Variants in BRD10 observed in about 807,000 individuals in gnomAD.
BRD10 encodes the protein bromodomain containing 10, also known as uncharacterized bromodomain-containing protein 10.
the BRD10 span, among the ~76,000 whole-genome samples, chr9:5,914,893 C>T: frequency 6.6e-6 from 1 of 151,872 alleles, no homozygotes; most frequent in African/African-American, 2.4e-5. Flanking sequence ...CAATAAAGGC[C>T]ATTTATATAT....
At chr9:5,926,186 G>C in the BRD10 span, among the ~76,000 whole-genome samples, 3 of 151,988 alleles carry the variant, frequency 2.0e-5, no homozygotes, top group Non-Finnish European at 2.9e-5. Flanking sequence ...AAAGTGCTGG[G>C]ATTACAGGCG....
the BRD10 span, among the ~76,000 whole-genome samples, chr9:5,913,003 A>G: frequency 1.3e-5 from 2 of 152,180 alleles, no homozygotes; most frequent in African/African-American, 2.4e-5. Context: ...TCCAGCCCTC[A>G]GTGGTGGTGA....
chr9:5,924,555 A>G, the BRD10 span: 37 of 613,524 alleles, frequency 6.0e-5, 1 homozygote, highest in East Asian at 7.9e-4. Flanking sequence ...AGATTTCCCT[A>G]ATCAATATAT....
chr9:6,008,086 C>T, the BRD10 span: 1 of 984,426 alleles, frequency 1.0e-6, no homozygotes, highest in Non-Finnish European at 1.2e-6. Context: ...CACCCCTCCG[C>T]ACCCCGCCCG....
the BRD10 span, chr9:5,953,896 A>G: frequency 1.5e-6 from 1 of 673,724 alleles, no homozygotes; most frequent in South Asian, 1.8e-5. Context: ...TCACTGTCAG[A>G]AACATTTCAT....
At chr9:5,899,652 C>T in the BRD10 span, among the ~76,000 whole-genome samples, 2 of 152,144 alleles carry the variant, frequency 1.3e-5, no homozygotes, top group African/African-American at 4.8e-5. Context: ...TTAATCTCTG[C>T]CATAGAACTC....
the BRD10 span, among the ~76,000 whole-genome samples, chr9:5,936,522 G>GT: frequency 6.6e-6 from 1 of 152,146 alleles, no homozygotes; most frequent in Admixed American, 6.5e-5. Context: ...ACATCCACAT[G>GT]TGTACTTTGT....
the BRD10 span, among the ~76,000 whole-genome samples, chr9:5,956,124 T>TA: frequency 9.3e-5 from 14 of 151,316 alleles, no homozygotes; most frequent in Admixed American, 2.0e-4. Flanking sequence ...CTGATTAGCT[T>TA]AAAAAAAAAG....
the BRD10 span, among the ~76,000 whole-genome samples, chr9:5,974,193 T>C: frequency 2.0e-5 from 3 of 152,136 alleles, no homozygotes; most frequent in East Asian, 1.9e-4. Flanking sequence ...GATCTATTAA[T>C]AGCAACAAAA....
the BRD10 span, among the ~76,000 whole-genome samples, chr9:5,904,194 T>C: frequency 6.6e-6 from 1 of 152,174 alleles, no homozygotes; most frequent in South Asian, 2.1e-4. Flanking sequence ...TGTATGTGTC[T>C]TTATATTTAA....
the BRD10 span, among the ~76,000 whole-genome samples, chr9:5,888,637 G>A: frequency 6.6e-6 from 1 of 152,214 alleles, no homozygotes; most frequent in African/African-American, 2.4e-5. Flanking sequence ...CAAAGGAGAT[G>A]AGAGCCTGGA....
chr9:5,980,638 G>A, the BRD10 span, among the ~76,000 whole-genome samples: 1 of 151,654 alleles, frequency 6.6e-6, no homozygotes, highest in East Asian at 1.9e-4. Context: ...ACCAGGGTTG[G>A]TTTAAAAAAA....
chr9:5,905,486 G>A, the BRD10 span, among the ~76,000 whole-genome samples: 1 of 152,194 alleles, frequency 6.6e-6, no homozygotes, highest in Non-Finnish European at 1.5e-5. Flanking sequence ...GTTAAATCAT[G>A]CCCTTCAAAC....
At chr9:5,988,110 G>A in the BRD10 span, among the ~76,000 whole-genome samples, 1 of 152,116 alleles carries the variant, frequency 6.6e-6, no homozygotes, top group Non-Finnish European at 1.5e-5. Context: ...AATACTACTA[G>A]AAATCTAGAA....
the BRD10 span, among the ~76,000 whole-genome samples, chr9:5,925,740 G>C: frequency 2.0e-5 from 3 of 152,210 alleles, no homozygotes; most frequent in South Asian, 2.1e-4. Flanking sequence ...CTTTCACAGA[G>C]ATCTTTTTCA....
the BRD10 span, among the ~76,000 whole-genome samples, chr9:6,006,108 T>C: frequency 6.6e-6 from 1 of 152,248 alleles, no homozygotes; most frequent in Non-Finnish European, 1.5e-5. Flanking sequence ...CCGTTTCAGA[T>C]ATGAAGTATA....
At chr9:5,958,794 A>C in the BRD10 span, among the ~76,000 whole-genome samples, 17 of 152,158 alleles carry the variant, frequency 1.1e-4, no homozygotes, top group Non-Finnish European at 2.2e-4. Context: ...TCATTGTTGC[A>C]AGTAAAAACT....
the BRD10 span, among the ~76,000 whole-genome samples, chr9:5,958,114 T>A: frequency 5.0e-4 from 76 of 152,258 alleles, no homozygotes; most frequent in Non-Finnish European, 9.7e-4. Context: ...GGAAAATGCA[T>A]AAGGAAACAT....
the BRD10 span, chr9:5,924,645 G>A: frequency 2.0e-6 from 3 of 1,465,392 alleles, no homozygotes; most frequent in Non-Finnish European, 2.7e-6. Context: ...TAAAAAAAAA[G>A]TTTAATGCTT....
Sources: allele counts gnomAD v4.1 joint callset (sites outside exome capture counted in the v4.1 genomes callset), GRCh38; gene constraint gnomAD v4.1.1; transcripts MANE v1.5; gene names NCBI Gene and HGNC (gene_info 2026-07-23, HGNC 2026-07-21).